The following SLMAP variants were observed in gnomAD, a reference collection of about 807,000 sequenced individuals.
SLMAP encodes the protein sarcolemmal membrane-associated protein.
In SLMAP, 44 loss-of-function variants were observed where a neutral mutation model predicts 128.8. The ratio of observed to expected loss-of-function variants is 0.34; its 90% CI spans 0.27 to 0.44. The LOEUF is 0.44. SLMAP is among the 20% of genes least tolerant of loss of function. The pLI, the probability that SLMAP is intolerant of heterozygous loss-of-function variation, is 1.00. For missense variants in SLMAP, 787 were observed against 985.3 expected (o/e 0.80, Z 2.69); for synonymous variants, 327 against 348.8 (o/e 0.94, Z 0.70).
chr3:57,906,489 G>C (rs9821913), intron 17 of SLMAP, among the ~76,000 whole-genome samples: 1 of 147,042 alleles, frequency 6.8e-6, no homozygotes, highest in African/African-American at 2.5e-5. Flanking sequence ...CTAATTTTTA[G>C]TATTTTTAGT....
At chr3:57,852,321 T>C (rs1182773407) in intron 6 of SLMAP, among the ~76,000 whole-genome samples, 1 of 152,220 alleles carries the variant, frequency 6.6e-6, no homozygotes, top group Non-Finnish European at 1.5e-5. Flanking sequence ...TCAGATCTTA[T>C]CTTCCACCAG....
intron 3 of SLMAP, among the ~76,000 whole-genome samples, chr3:57,839,245 T>A (rs547264810): frequency 2.6e-4 from 39 of 152,110 alleles, no homozygotes; most frequent in Middle Eastern, 3.4e-3. Flanking sequence ...TGCCAATAGA[T>A]GGTTCTTGAT....
At chr3:57,885,522 C>T (rs1422918641) in intron 14 of SLMAP, among the ~76,000 whole-genome samples, 2 of 148,048 alleles carry the variant, frequency 1.4e-5, no homozygotes, top group Admixed American at 6.8e-5. Flanking sequence ...CGGGTTCAAG[C>T]GATTCTCCTG....
chr3:57,786,551 G>GC (rs1357914083), intron 2 of SLMAP, among the ~76,000 whole-genome samples: 1 of 145,900 alleles, frequency 6.9e-6, no homozygotes, highest in Admixed American at 6.9e-5. Context: ...AAATTATATA[G>GC]CTTTTTTTTT....
chr3:57,817,369 A>G (rs1414050350), intron 2 of SLMAP, among the ~76,000 whole-genome samples: 3 of 152,210 alleles, frequency 2.0e-5, no homozygotes, highest in Non-Finnish European at 2.9e-5. Flanking sequence ...GATGGTCACA[A>G]ATCCATTCTA....
At chr3:57,846,028 G>T (rs182918351) in intron 4 of SLMAP, among the ~76,000 whole-genome samples, 167 of 152,254 alleles carry the variant, frequency 1.1e-3, no homozygotes, top group Non-Finnish European at 2.0e-3. Context: ...TATTAGTAGA[G>T]ATGACGTTTC....
In SLMAP at chr3:57,756,909, GC is replaced by G; in HGVS notation, c.-740del. On this transcript the variant is annotated 5_prime_UTR_variant, in exon 2 of 25. Coordinates refer to ENST00000671191, the MANE Select transcript of SLMAP (RefSeq NM_001377540.1). ...CTGGTCGCGGGGACGCTCGCCAGGTGCCCAGGAGTCCCGACTTGGCCACTGC... is the reference window on the plus strand; with the variant it reads ...CTGGTCGCGGGGACGCTCGCCAGGTGCCAGGAGTCCCGACTTGGCCACTGC... The G allele has an allele frequency of 6.6e-6, 1 of 152,446 alleles. No individual in the cohort carries two copies. Among genetic ancestry groups the G allele is most frequent in the Non-Finnish European group, 1.5e-5 (1 of 68,136 alleles). The allele number at this position is 152,446 out of a possible 1,614,324, so 9.4% of individuals were successfully genotyped here. A position where few individuals can be genotyped will look rare whatever the true frequency, so the allele number is the denominator to read the frequency against.
At chr3:57,799,727 A>G (rs1560029608) in intron 2 of SLMAP, among the ~76,000 whole-genome samples, 1 of 152,188 alleles carries the variant, frequency 6.6e-6, no homozygotes, top group East Asian at 1.9e-4. Context: ...GCACCACTGG[A>G]CCTTTGGAAC....
intron 2 of SLMAP, among the ~76,000 whole-genome samples, chr3:57,766,955 G>A (rs1046659126): frequency 6.6e-6 from 1 of 151,670 alleles, no homozygotes; most frequent in Admixed American, 6.6e-5. Context: ...GTCCCTCTCT[G>A]TCACCCAGGC....
At chr3:57,850,238 A>G (rs984378787) in intron 6 of SLMAP, among the ~76,000 whole-genome samples, 1 of 152,126 alleles carries the variant, frequency 6.6e-6, no homozygotes, top group Non-Finnish European at 1.5e-5. Flanking sequence ...AATATAGGAT[A>G]AAAAAATGGC....
At chr3:57,801,015 G>A (rs2088181921) in intron 2 of SLMAP, 7 of 255,948 alleles carry the variant, frequency 2.7e-5, no homozygotes, top group South Asian at 2.3e-4. Flanking sequence ...TGTCCTGTAA[G>A]CTCTACAAGA....
chr3:57,873,151 T>C (rs1245052730), intron 14 of SLMAP, among the ~76,000 whole-genome samples: 6 of 152,234 alleles, frequency 3.9e-5, no homozygotes, highest in African/African-American at 1.4e-4. Context: ...TAAGTATAAG[T>C]TGAGTATTAC....
At chr3:57,841,650 A>G (rs182030341) in intron 4 of SLMAP, among the ~76,000 whole-genome samples, 10 of 152,240 alleles carry the variant, frequency 6.6e-5, no homozygotes, top group Admixed American at 4.6e-4. Context: ...TGTTTTTCAC[A>G]ATGTTTCAAG....
chr3:57,813,767 A>G (rs2091415358), intron 2 of SLMAP, among the ~76,000 whole-genome samples: 1 of 152,208 alleles, frequency 6.6e-6, no homozygotes, highest in Non-Finnish European at 1.5e-5. Flanking sequence ...CTTTGGTGTC[A>G]GTCCTCTCCA....
At chr3:57,870,862 G>A (rs538860487) in intron 13 of SLMAP, among the ~76,000 whole-genome samples, 5 of 152,124 alleles carry the variant, frequency 3.3e-5, no homozygotes, top group African/African-American at 7.2e-5. Flanking sequence ...ATAAATACAC[G>A]TTAAAGGACA....
At chr3:57,886,399 T>G (rs116626452) in intron 14 of SLMAP, among the ~76,000 whole-genome samples, 2,778 of 152,234 alleles carry the variant, frequency 0.018, 76 homozygotes, top group African/African-American at 0.063. Flanking sequence ...GCACCCAGCT[T>G]AAAAGTATAA....
intron 2 of SLMAP, among the ~76,000 whole-genome samples, chr3:57,829,975 C>T (rs2093220960): frequency 6.6e-6 from 1 of 152,142 alleles, no homozygotes; most frequent in Non-Finnish European, 1.5e-5. Flanking sequence ...TTGAAAGATA[C>T]TTAATATACC....
At chr3:57,919,109 C>T (rs1337485487) in intron 22 of SLMAP, among the ~76,000 whole-genome samples, 1 of 152,114 alleles carries the variant, frequency 6.6e-6, no homozygotes, top group Non-Finnish European at 1.5e-5. Context: ...GGCTGGGCGC[C>T]GTGGCTCACG....
At chr3:57,805,704 T>C (rs2089669035) in intron 2 of SLMAP, among the ~76,000 whole-genome samples, 1 of 152,188 alleles carries the variant, frequency 6.6e-6, no homozygotes, top group Non-Finnish European at 1.5e-5. Flanking sequence ...TCGCAAGTTC[T>C]CTATATGATA....
Sources: allele counts gnomAD v4.1 joint callset (sites outside exome capture counted in the v4.1 genomes callset), GRCh38; gene constraint gnomAD v4.1.1; transcripts MANE v1.5; gene names NCBI Gene and HGNC (gene_info 2026-07-23, HGNC 2026-07-21).